CDH23: variants seen among roughly 807,000 people sequenced by gnomAD.
CDH23 encodes cadherin related 23, also known as cadherin-23.
In CDH23, 189 loss-of-function variants were observed where a neutral mutation model predicts 317.1. The ratio of observed to expected loss-of-function variants is 0.60; its 90% CI spans 0.53 to 0.67. CDH23 has a LOEUF of 0.67. CDH23 is among the 30% of genes least tolerant of loss of function. The pLI is 0.00. For synonymous variants in CDH23, 1,839 were observed against 1,876.8 expected (o/e 0.98, Z 0.52); for missense variants, 4,401 against 4,592.4 (o/e 0.96, Z 1.20).
At chr10:71,454,450 T>G (rs1307125244) in intron 3 of CDH23, among the ~76,000 whole-genome samples, 1 of 152,234 alleles carries the variant, frequency 6.6e-6, no homozygotes, top group East Asian at 1.9e-4. Context: ...CTGGCTGTCC[T>G]TTCTATTGGA....
intron 1 of CDH23, among the ~76,000 whole-genome samples, chr10:71,419,770 A>G (rs1174671864): frequency 6.6e-6 from 1 of 152,222 alleles, no homozygotes; most frequent in African/African-American, 2.4e-5. Flanking sequence ...ACACCTCAGC[A>G]TGTGTATCAG....
chr10:71,655,860 A>G (rs1299986230), intron 14 of CDH23, among the ~76,000 whole-genome samples: 1 of 152,010 alleles, frequency 6.6e-6, no homozygotes, highest in Admixed American at 6.6e-5. Context: ...TCGGCAACGG[A>G]GATGTTTGTC....
chr10:71,521,175 T>A (rs1854655730), intron 6 of CDH23, among the ~76,000 whole-genome samples: 1 of 150,616 alleles, frequency 6.6e-6, no homozygotes, highest in Non-Finnish European at 1.5e-5. Flanking sequence ...TACAATGTAA[T>A]CGTCCCCACT....
chr10:71,696,394 C>T (rs1338735024), intron 22 of CDH23, among the ~76,000 whole-genome samples: 1 of 152,224 alleles, frequency 6.6e-6, no homozygotes, highest in African/African-American at 2.4e-5. Flanking sequence ...CTCTCCTCCT[C>T]ACTGTAATCT....
chr10:71,624,050 A>G (rs188675485), intron 11 of CDH23, among the ~76,000 whole-genome samples: 2 of 152,294 alleles, frequency 1.3e-5, no homozygotes, highest in Admixed American at 6.5e-5. Flanking sequence ...TTAAGACTCT[A>G]CAAATCCTAA....
At chr10:71,442,243 A>G (rs1056766540) in intron 2 of CDH23, among the ~76,000 whole-genome samples, 1 of 152,230 alleles carries the variant, frequency 6.6e-6, no homozygotes, top group Non-Finnish European at 1.5e-5. Context: ...CTGCTTTGCC[A>G]TACGCACAAG....
At chr10:71,618,303 C>T (rs1205135204) in intron 11 of CDH23, among the ~76,000 whole-genome samples, 4 of 152,138 alleles carry the variant, frequency 2.6e-5, no homozygotes. Context: ...GCAGGAGGCT[C>T]AGGGTGGGGG....
At chr10:71,784,479 G>A in intron 42 of CDH23, 59 bp downstream of exon 42, 1 of 1,576,858 alleles carries the variant, frequency 6.3e-7, no homozygotes. Context: ...TTGCCACAGA[G>A]ATTCTTGTAA....
chr10:71,480,287 G>A (rs565588799), intron 3 of CDH23, among the ~76,000 whole-genome samples: 10 of 152,224 alleles, frequency 6.6e-5, no homozygotes, highest in East Asian at 1.9e-4. Context: ...CCACATTCCC[G>A]TTCTGTCCTT....
intron 3 of CDH23, among the ~76,000 whole-genome samples, chr10:71,486,187 T>TGCCTCTTTGGGGTCC (rs1441329058): frequency 6.6e-6 from 1 of 152,226 alleles, no homozygotes. Flanking sequence ...CTTTGGGGTC[T>TGCCTCTTTGGGGTCC]GCCTCTTTGG....
intron 3 of CDH23, among the ~76,000 whole-genome samples, chr10:71,488,408 C>T (rs7075186): frequency 0.023 from 3,569 of 152,246 alleles, 135 homozygotes; most frequent in African/African-American, 0.08. Flanking sequence ...GGACCTGAGT[C>T]ACTGAGATTG....
At chr10:71,596,976 A>T (rs563067669) in intron 9 of CDH23, among the ~76,000 whole-genome samples, 1 of 152,296 alleles carries the variant, frequency 6.6e-6, no homozygotes, top group East Asian at 1.9e-4. Context: ...CTTTGTTTGA[A>T]GGACAGATAA....
chr10:71,791,385 GTCAC>G (rs1841247072), intron 47 of CDH23, 50 bp downstream of exon 47: 2 of 1,524,750 alleles, frequency 1.3e-6, no homozygotes, highest in Non-Finnish European at 1.8e-6. Flanking sequence ...CCGGTTGGTG[GTCAC>G]AGGGGACTGG....
chr10:71,684,654 C>T (rs1264365904), intron 18 of CDH23, among the ~76,000 whole-genome samples: 1 of 152,174 alleles, frequency 6.6e-6, no homozygotes, highest in African/African-American at 2.4e-5. Flanking sequence ...CACCTGGCAC[C>T]TGGAATGTCT....
At chr10:71,776,754 C>T (rs999537827) in intron 38 of CDH23, among the ~76,000 whole-genome samples, 2 of 152,212 alleles carry the variant, frequency 1.3e-5, no homozygotes, top group African/African-American at 4.8e-5. Flanking sequence ...ATGGGCAGAA[C>T]CGCAGTGAGG....
At chr10:71,655,619 C>T (rs1333761598) in intron 14 of CDH23, among the ~76,000 whole-genome samples, 1 of 152,056 alleles carries the variant, frequency 6.6e-6, no homozygotes, top group Non-Finnish European at 1.5e-5. Flanking sequence ...TGTTCCTTCC[C>T]CACGCCACTG....
intron 6 of CDH23, among the ~76,000 whole-genome samples, chr10:71,533,727 G>A (rs1224488639): frequency 1.3e-5 from 2 of 152,116 alleles, no homozygotes; most frequent in African/African-American, 4.8e-5. Flanking sequence ...TTTGGGGTCA[G>A]GGAAGGATGC....
chr10:71,500,915 G>A (rs769738879), intron 3 of CDH23, among the ~76,000 whole-genome samples: 13 of 151,006 alleles, frequency 8.6e-5, no homozygotes, highest in Admixed American at 4.6e-4. Context: ...TGTCCTCCAG[G>A]CTGGAGTGCA....
chr10:71,763,064 G>A (rs538784212), intron 38 of CDH23, among the ~76,000 whole-genome samples: 1 of 152,310 alleles, frequency 6.6e-6, no homozygotes, highest in South Asian at 2.1e-4. Flanking sequence ...ACAATGCAGG[G>A]TTGCAAAAGG....
Sources: allele counts gnomAD v4.1 joint callset (sites outside exome capture counted in the v4.1 genomes callset), GRCh38; gene constraint gnomAD v4.1.1; transcripts MANE v1.5; gene names NCBI Gene and HGNC (gene_info 2026-07-23, HGNC 2026-07-21).